The following GALNTL6 variants were observed in gnomAD, a reference collection of about 807,000 sequenced individuals.
The protein encoded by GALNTL6 is polypeptide N-acetylgalactosaminyltransferase-like 6.
Under a neutral mutation model 73.7 loss-of-function variants are expected in GALNTL6, and 46 were observed. The observed-to-expected ratio is 0.62, with a 90% CI of 0.49 to 0.80. The LOEUF (loss-of-function observed/expected upper bound fraction) is 0.80, where lower values mean the gene tolerates loss of function less well. Ranked by LOEUF, GALNTL6 falls within the 30% of genes least tolerant of loss-of-function variation. The pLI, the probability that GALNTL6 is intolerant of heterozygous loss-of-function variation, is 0.00. For synonymous variants in GALNTL6, 259 were observed against 263.7 expected (o/e 0.98, Z 0.17); for missense variants, 604 against 755.0 (o/e 0.80, Z 2.34).
chr4:172,264,329 C>A (rs1738360060), intron 3 of GALNTL6, among the ~76,000 whole-genome samples: 1 of 150,824 alleles, frequency 6.6e-6, no homozygotes. Context: ...CTGTTTAAAA[C>A]TTATCTACAC....
At chr4:172,928,961 C>T (rs1579667039) in intron 8 of GALNTL6, among the ~76,000 whole-genome samples, 1 of 152,144 alleles carries the variant, frequency 6.6e-6, no homozygotes. Flanking sequence ...AGTCTTTTTC[C>T]ACACTTCCTG....
intron 5 of GALNTL6, among the ~76,000 whole-genome samples, chr4:172,470,189 G>A (rs982481626): frequency 5.9e-5 from 9 of 152,262 alleles, no homozygotes; most frequent in Admixed American, 5.2e-4. Flanking sequence ...TGGTCTATTT[G>A]ATTTAATCCT....
At chr4:172,383,074 T>A (rs1252869757) in intron 5 of GALNTL6, among the ~76,000 whole-genome samples, 2 of 152,148 alleles carry the variant, frequency 1.3e-5, no homozygotes, top group Non-Finnish European at 2.9e-5. Flanking sequence ...ATCTTCCAAC[T>A]TTGATATTCT....
chr4:172,054,137 T>G lies in GALNTL6; in HGVS notation c.139-175519T>G, dbSNP rs144730336. Among the ~76,000 whole-genome samples the G allele has an allele frequency of 6.3e-3, 966 of 152,158 alleles. 15 individuals carry two copies. Among genetic ancestry groups the G allele is most frequent in the African/African-American group, 0.022 (926 of 41,570 alleles). On this transcript the variant is annotated intron_variant, in intron 2 of 12. Transcript: ENST00000506823. ...TACACTTTAACATATCTAGGGATAC[T>G]TCATGAGAAATCTAATATTCATACT...
chr4:172,323,694 A>G (rs969424378), intron 4 of GALNTL6, among the ~76,000 whole-genome samples: 2 of 152,004 alleles, frequency 1.3e-5, no homozygotes, highest in Non-Finnish European at 2.9e-5. Context: ...AATTATTTTT[A>G]GGAGATCTGG....
In GALNTL6 at chr4:172,865,289, A is replaced by G. The variant is rs780113361; in HGVS notation, c.924-17501A>G. Among the ~76,000 whole-genome samples the G allele has an allele frequency of 1.3e-5, 2 of 152,244 alleles. 1 individual carries two copies. The highest frequency in any genetic ancestry group is 2.9e-5 in the Non-Finnish European group (2 of 68,046). ...ATGCCAACACTGCACTATTTGATCC[A>G]GAGGAACTGGGGTGATGACATCAAG... is the stretch of plus-strand genomic sequence containing the variant. On this transcript the variant is annotated intron_variant, in intron 7 of 12. Coordinates refer to ENST00000506823, the MANE Select transcript of GALNTL6 (RefSeq NM_001034845.3).
chr4:172,037,287 T>G (rs1741954438), intron 2 of GALNTL6, among the ~76,000 whole-genome samples: 1 of 152,240 alleles, frequency 6.6e-6, no homozygotes, highest in African/African-American at 2.4e-5. Flanking sequence ...AGACTAGAAC[T>G]CTGAGACTGG....
intron 2 of GALNTL6, among the ~76,000 whole-genome samples, chr4:171,949,770 G>A (rs1368371915): frequency 1.3e-5 from 2 of 152,126 alleles, no homozygotes; most frequent in Admixed American, 1.3e-4. Context: ...GGTGAAGAAA[G>A]ACAGTAAATG....
chr4:172,948,618 AT>A (rs369982668), intron 9 of GALNTL6, among the ~76,000 whole-genome samples: 6,420 of 136,470 alleles, frequency 0.047, 240 homozygotes, highest in Admixed American at 0.13. Context: ...AGCCTCGCTA[AT>A]TTTTTTTTTT....
At chr4:172,177,757 GTGTA>G (rs1490727878) in intron 2 of GALNTL6, among the ~76,000 whole-genome samples, 1 of 46,004 alleles carries the variant, frequency 2.2e-5, no homozygotes, top group African/African-American at 6.7e-5. Flanking sequence ...ATATATATGT[GTGTA>G]TATATATGTA....
At chr4:172,249,930 A>G (rs1737797198) in intron 3 of GALNTL6, among the ~76,000 whole-genome samples, 1 of 152,152 alleles carries the variant, frequency 6.6e-6, no homozygotes, top group African/African-American at 2.4e-5. Flanking sequence ...GAGCCCCCAC[A>G]CAGAGTCCCC....
At chr4:172,313,134 C>CTT (rs1294278256) in intron 4 of GALNTL6, among the ~76,000 whole-genome samples, 1 of 124,400 alleles carries the variant, frequency 8.0e-6, no homozygotes, top group Non-Finnish European at 1.7e-5. Context: ...CCCCACACTT[C>CTT]TTTTTTTTTT....
chr4:172,725,233 T>G (rs181301623), intron 5 of GALNTL6, among the ~76,000 whole-genome samples: 1 of 152,306 alleles, frequency 6.6e-6, no homozygotes, highest in East Asian at 1.9e-4. Flanking sequence ...AATGAGGATT[T>G]TAATTATAAA....
intron 8 of GALNTL6, among the ~76,000 whole-genome samples, chr4:172,924,161 G>A (rs1164583670): frequency 6.6e-6 from 1 of 152,162 alleles, no homozygotes; most frequent in African/African-American, 2.4e-5. Context: ...CTCTCAGGGT[G>A]CGCCTGGCCC....
chr4:171,896,480 C>T (rs1357511834), intron 2 of GALNTL6, among the ~76,000 whole-genome samples: 1 of 152,150 alleles, frequency 6.6e-6, no homozygotes, highest in Non-Finnish European at 1.5e-5. Flanking sequence ...AACTAGATGG[C>T]TTATAAATGA....
intron 5 of GALNTL6, among the ~76,000 whole-genome samples, chr4:172,585,008 T>C (rs1737345641): frequency 6.6e-6 from 1 of 152,052 alleles, no homozygotes; most frequent in Non-Finnish European, 1.5e-5. Flanking sequence ...GAGAATGTGA[T>C]GACATAAAAT....
At chr4:172,340,969 A>C (rs189847920) in intron 4 of GALNTL6, among the ~76,000 whole-genome samples, 5 of 152,258 alleles carry the variant, frequency 3.3e-5, no homozygotes, top group Admixed American at 3.3e-4. Flanking sequence ...TCTATCTTGC[A>C]AACTCTAGCC....
intron 2 of GALNTL6, among the ~76,000 whole-genome samples, chr4:172,080,150 C>T (rs1731833806): frequency 6.6e-6 from 1 of 152,074 alleles, no homozygotes; most frequent in African/African-American, 2.4e-5. Flanking sequence ...CTTTGAAGTG[C>T]CACATTTACT....
chr4:172,783,100 TCTGAATTGGAC>T (rs1013420508), intron 5 of GALNTL6, among the ~76,000 whole-genome samples: 4 of 151,570 alleles, frequency 2.6e-5, no homozygotes, highest in African/African-American at 9.7e-5. Flanking sequence ...CCAAGGTTTT[TCTGAATTGGAC>T]CTGCCACGGC....
Sources: gnomAD v4.1 joint callset for allele counts (sites outside exome capture counted in the v4.1 genomes callset) on GRCh38, gnomAD v4.1.1 for gene constraint, MANE v1.5 for transcripts, NCBI Gene and HGNC (gene_info 2026-07-23, HGNC 2026-07-21) for gene names.